FGF12: variants seen among roughly 807,000 people sequenced by gnomAD.
FGF12 encodes fibroblast growth factor 12B.
FGF12 carries 14 observed loss-of-function variants against 23.6 expected under a neutral mutation model. The ratio of observed to expected loss-of-function variants is 0.59; its 90% CI spans 0.39 to 0.93. The LOEUF is 0.93. Among genes scored for constraint, FGF12 ranks in the 40% least tolerant of loss-of-function variants. The pLI is 0.00. For synonymous variants in FGF12, 62 were observed against 77.3 expected (o/e 0.80, Z 1.04); for missense variants, 175 against 217.8 (o/e 0.80, Z 1.24).
At chr3:192,423,692 T>G (rs1470978237) in intron 2 of FGF12, among the ~76,000 whole-genome samples, 2 of 152,212 alleles carry the variant, frequency 1.3e-5, no homozygotes, top group Admixed American at 6.5e-5. Flanking sequence ...TCTTGGTAGC[T>G]TAAGCAGAAA....
chr3:192,230,822 A>T (rs1348962879), intron 4 of FGF12, among the ~76,000 whole-genome samples: 1 of 152,280 alleles, frequency 6.6e-6, no homozygotes, highest in Non-Finnish European at 1.5e-5. Flanking sequence ...GATCAATCAA[A>T]TTCATATAGT....
intron 4 of FGF12, among the ~76,000 whole-genome samples, chr3:192,241,441 T>C (rs541696845): frequency 6.6e-5 from 10 of 152,194 alleles, no homozygotes; most frequent in Non-Finnish European, 1.5e-4. Context: ...GATTATGTAA[T>C]TAACCGAAAT....
intron 2 of FGF12, among the ~76,000 whole-genome samples, chr3:192,488,682 A>T (rs1723710038): frequency 6.6e-6 from 1 of 152,050 alleles, no homozygotes; most frequent in Non-Finnish European, 1.5e-5. Flanking sequence ...TTGGATGAGA[A>T]CCTCGTCTTG....
intron 3 of FGF12, among the ~76,000 whole-genome samples, chr3:192,343,289 A>T (rs1055505380): frequency 2.0e-5 from 3 of 152,322 alleles, no homozygotes; most frequent in South Asian, 4.1e-4. Context: ...TCAATGTTAG[A>T]TTTCCTTGAA....
At chr3:192,502,376 C>T (rs76893361) in intron 2 of FGF12, among the ~76,000 whole-genome samples, 2 of 152,244 alleles carry the variant, frequency 1.3e-5, no homozygotes, top group East Asian at 1.9e-4. Flanking sequence ...CTTAGAAGAA[C>T]GTCTTATTTT....
intron 4 of FGF12, among the ~76,000 whole-genome samples, chr3:192,187,247 C>T (rs1045452053): frequency 1.3e-5 from 2 of 152,082 alleles, no homozygotes; most frequent in African/African-American, 4.8e-5. Context: ...ATGCTAGAGT[C>T]GACGAGTTTT....
chr3:192,143,992 A>G lies in FGF12; in HGVS notation c.*17T>C, dbSNP rs552996417. On this transcript the variant is annotated 3_prime_UTR_variant, in exon 6 of 6. Transcript: ENST00000445105. Reference sequence around the variant, plus strand: ...AAGGGGAAGGGATGAGAGAGGGAAGAAGGGGAGAGTTCTCAGCTATGTTGA... The same window carrying G: ...AAGGGGAAGGGATGAGAGAGGGAAGGAGGGGAGAGTTCTCAGCTATGTTGA... 20 of 1,437,888 alleles carry G rather than the reference A, an allele frequency of 1.4e-5. No homozygotes were observed. In the African/African-American group the frequency reaches 2.4e-4, roughly 17 times the overall value. The allele number at this position is 1,437,888 out of a possible 1,614,324, so 89.1% of individuals were successfully genotyped here. A position where few individuals can be genotyped will look rare whatever the true frequency, so the allele number is the denominator to read the frequency against.
intron 4 of FGF12, among the ~76,000 whole-genome samples, chr3:192,307,453 G>A (rs144490544): frequency 3.3e-5 from 5 of 152,208 alleles, no homozygotes; most frequent in East Asian, 3.9e-4. Context: ...TAGTCTAGCC[G>A]ACCTCTATGA....
intron 2 of FGF12, among the ~76,000 whole-genome samples, chr3:192,407,308 C>G (rs1720994545): frequency 1.3e-5 from 2 of 152,094 alleles, no homozygotes; most frequent in Admixed American, 6.5e-5. Context: ...CTCAATGTCT[C>G]AAAAGTGTGA....
intron 2 of FGF12, among the ~76,000 whole-genome samples, chr3:192,532,276 G>T (rs1163296771): frequency 1.3e-5 from 2 of 151,856 alleles, no homozygotes; most frequent in Non-Finnish European, 2.9e-5. Flanking sequence ...TTTTTTTCTA[G>T]CTCTGTGAAG....
chr3:192,188,394 C>T (rs1404330456), intron 4 of FGF12, among the ~76,000 whole-genome samples: 1 of 152,102 alleles, frequency 6.6e-6, no homozygotes, highest in East Asian at 1.9e-4. Context: ...GGTACTTAAC[C>T]TCCAATTAGA....
chr3:192,380,298 T>C (rs563022101), intron 2 of FGF12, among the ~76,000 whole-genome samples: 1 of 152,314 alleles, frequency 6.6e-6, no homozygotes, highest in South Asian at 2.1e-4. Flanking sequence ...TGGTGTCTTC[T>C]TAAAATTCAG....
chr3:192,490,913 C>T (rs1723783184), intron 2 of FGF12, among the ~76,000 whole-genome samples: 1 of 152,090 alleles, frequency 6.6e-6, no homozygotes, highest in Non-Finnish European at 1.5e-5. Flanking sequence ...AGTAGAGCTA[C>T]CAGGATGCTG....
chr3:192,638,293 CA>C (rs1047713434), intron 2 of FGF12, among the ~76,000 whole-genome samples: 34 of 152,064 alleles, frequency 2.2e-4, no homozygotes, highest in African/African-American at 7.9e-4. Flanking sequence ...GCCTTAGTGA[CA>C]AAAAAATTAT....
chr3:192,575,927 A>C (rs1323969506), intron 2 of FGF12, among the ~76,000 whole-genome samples: 1 of 152,212 alleles, frequency 6.6e-6, no homozygotes, highest in Non-Finnish European at 1.5e-5. Context: ...TAAATATGAA[A>C]AAGGTACTTG....
intron 4 of FGF12, among the ~76,000 whole-genome samples, chr3:192,177,664 T>G (rs1452300418): frequency 6.6e-6 from 1 of 152,254 alleles, no homozygotes; most frequent in Non-Finnish European, 1.5e-5. Flanking sequence ...CTCGTTGTAC[T>G]CAGCCACTGG....
chr3:192,348,778 A>G (rs1345488896), intron 3 of FGF12, among the ~76,000 whole-genome samples: 1 of 152,160 alleles, frequency 6.6e-6, no homozygotes, highest in Admixed American at 6.5e-5. Context: ...TAATATCTTT[A>G]AGGCCATGGA....
At chr3:192,157,131 A>G (rs1714470845) in intron 5 of FGF12, among the ~76,000 whole-genome samples, 1 of 152,212 alleles carries the variant, frequency 6.6e-6, no homozygotes, top group Admixed American at 6.5e-5. Flanking sequence ...AAAGCACAGT[A>G]TTTACTAGAA....
intron 4 of FGF12, among the ~76,000 whole-genome samples, chr3:192,294,972 T>C (rs1037868264): frequency 6.6e-6 from 1 of 152,166 alleles, no homozygotes; most frequent in African/African-American, 2.4e-5. Context: ...ATAATACCAG[T>C]GGACTCTAGC....
Sources: gnomAD v4.1 joint callset for allele counts (sites outside exome capture counted in the v4.1 genomes callset) on GRCh38, gnomAD v4.1.1 for gene constraint, MANE v1.5 for transcripts, NCBI Gene and HGNC (gene_info 2026-07-23, HGNC 2026-07-21) for gene names.